The following MIB2 variants were observed in gnomAD, a reference collection of about 807,000 sequenced individuals.
MIB2 encodes the protein MIB E3 ubiquitin protein ligase 2, also known as E3 ubiquitin-protein ligase MIB2.
Under a neutral mutation model 96.6 loss-of-function variants are expected in MIB2, and 78 were observed. The ratio of observed to expected loss-of-function variants is 0.81; its 90% CI spans 0.67 to 0.97. The LOEUF (loss-of-function observed/expected upper bound fraction) is 0.97, where lower values mean the gene tolerates loss of function less well. Ranked by LOEUF, MIB2 falls within the 50% of genes least tolerant of loss-of-function variation. The pLI is 0.00. For synonymous variants in MIB2, 820 were observed against 629.5 expected (o/e 1.30, Z -4.53); for missense variants, 1,543 against 1,424.0 (o/e 1.08, Z -1.35).
rs1644740119 is a variant in MIB2, at chr1:1,626,154, A to G, written c.973-496A>G. The stretch of plus-strand genomic sequence containing the variant: ...AGGGGCAGGCCCGGGGCAAAGCGTC[A>G]GAGCTCAGCTCTGGATCTGGGGTCC... On this transcript the variant is annotated intron_variant, in intron 8 of 19. Coordinates refer to ENST00000355826, the MANE Select transcript of MIB2 (RefSeq NM_001170687.4). This position sits in a 1 kb window ranked among gnomAD's most constrained non-coding sequence, Gnocchi z 5.3. The G allele has an allele frequency of 1.0e-5, 2 of 196,654 alleles. No individual in the cohort carries two copies. Among genetic ancestry groups the G allele is most frequent in the Non-Finnish European group, 2.1e-5 (2 of 96,066 alleles). 12.2% of individuals were successfully genotyped at this position (196,654 alleles called of 1,614,324 possible).
At position 1,630,334 on chromosome 1, in the gene MIB2, C is replaced by T. The variant is rs879374257; in HGVS notation, c.2672C>T (p.Pro891Leu). The T allele has an allele frequency of 8.5e-6, 13 of 1,535,178 alleles. No homozygotes were observed. Among genetic ancestry groups the T allele is most frequent in the Non-Finnish European group, 1.1e-5 (13 of 1,143,838 alleles). The change falls in exon 20 of 20, where the codon CCG becomes CTG. Residue 891 changes from proline to leucine, a missense_variant. Transcript: ENST00000355826. Reference sequence around the variant, plus strand: ...AGCGCCGCCCCCGCCCCCGGCCCGCCGCGCCAGCTGGTGGAGGAGCTGCAG... The same window carrying T: ...AGCGCCGCCCCCGCCCCCGGCCCGCTGCGCCAGCTGGTGGAGGAGCTGCAG... ...VASAAPAPGP[P>L]RQLVEELQSR...
In MIB2 at chr1:1,627,070, C is replaced by T. The variant is rs750318431; in HGVS notation, c.1241-4C>T. The T allele has an allele frequency of 2.5e-6, 4 of 1,600,554 alleles. No individual in the cohort carries two copies. In the South Asian group the frequency reaches 3.4e-5, roughly 13 times the overall value. ...GCCACCACTAACCTCAGCCCTGCCC[C>T]CAGGCTCACTGAGCGTGGCCCTGGA... is the stretch of plus-strand genomic sequence containing the variant. On this transcript the variant is annotated splice_polypyrimidine_tract_variant and splice_region_variant and intron_variant, in intron 10 of 19. Transcript: ENST00000355826.
At chr1:1,620,871 G>A (rs1472327621) in intron 2 of MIB2, among the ~76,000 whole-genome samples, 3 of 152,268 alleles carry the variant, frequency 2.0e-5, no homozygotes, top group African/African-American at 7.2e-5. Context: ...CCCCCAGTGG[G>A]GATGGGAGGG....
In MIB2 at chr1:1,630,387, A is replaced by T. The variant is rs1258719582; in HGVS notation, c.2725A>T (p.Ile909Phe). The T allele has an allele frequency of 6.4e-7, 1 of 1,554,934 alleles. No homozygotes were observed. The highest frequency in any genetic ancestry group is 1.2e-5 in the South Asian group (1 of 85,310). The change falls in exon 20 of 20, where the codon ATC becomes TTC. Residue 909 changes from isoleucine to phenylalanine, a missense_variant. Physicochemically the swap from Ile to Phe is conservative, Grantham distance 21. Coordinates refer to ENST00000355826, the MANE Select transcript of MIB2 (RefSeq NM_001170687.4). Reference sequence around the variant, plus strand: ...CCGCTACCGGCAGATGGAGGAACGCATCACCTGCCCCATCTGCATCGACAG... The same window carrying T: ...CCGCTACCGGCAGATGGAGGAACGCTTCACCTGCCCCATCTGCATCGACAG... Reference protein sequence around the residue: ...QSRYRQMEERITCPICIDSHI... With the variant: ...QSRYRQMEERFTCPICIDSHI...
chr1:1,623,459 C>G lies in MIB2; in HGVS notation c.7C>G (p.Pro3Ala). 7 of 1,598,304 alleles carry G rather than the reference C, an allele frequency of 4.4e-6. No homozygotes were observed. The highest frequency in any genetic ancestry group is 6.0e-6 in the Non-Finnish European group (7 of 1,174,012). Residue 3 changes from proline (P) to alanine (A), a missense_variant, in exon 3 of 20, where the codon CCA becomes GCA. Physicochemically the swap from Pro to Ala is conservative, Grantham distance 27 (BLOSUM62 -1). Coordinates refer to ENST00000355826, the MANE Select transcript of MIB2 (RefSeq NM_001170687.4). The part of the protein sequence containing the change: MD[P>A]DPQAGVQVGM... The stretch of plus-strand genomic sequence containing the variant: ...CCGAGCAGCCCCGCCCAACATGGAC[C>G]CAGACCCCCAGGCGGGCGTGCAGGT...
intron 16 of MIB2, 184 bp from the exon 17 acceptor site, chr1:1,628,949 A>C: frequency 1.4e-6 from 1 of 724,220 alleles, no homozygotes; most frequent in African/African-American, 1.8e-5. Context: ...GGTGGAGCTT[A>C]GGGTCTCAGA....
Position 1,615,508 on chromosome 1 carries a change from GGTCCCACA to G in MIB2, c.-252_-245del. 1 of 1,529,394 alleles carries G rather than the reference GGTCCCACA, an allele frequency of 6.5e-7. No homozygotes were observed. The highest frequency in any genetic ancestry group is 2.5e-5 in the East Asian group (1 of 40,134). The allele number at this position is 1,529,394 out of a possible 1,614,324, so 94.7% of individuals were successfully genotyped here. ...GCGGGCCCTGGGCTCCCGCCCTTCG[GGTCCCACA>G]GTTTCCAGCCGCCGCTCTCCTCAGT... is the stretch of plus-strand genomic sequence containing the variant. On this transcript the variant is annotated 5_prime_UTR_variant, in exon 1 of 20. Transcript: ENST00000355826.
intron 1 of MIB2, 78 bp downstream of exon 1, chr1:1,615,711 C>T: frequency 6.7e-7 from 1 of 1,499,676 alleles, no homozygotes. Context: ...AGAACGCGAG[C>T]GCCGTCCGGT....
At chr1:1,627,558 G>A in intron 12 of MIB2, 114 bp downstream of exon 12, 1 of 1,470,922 alleles carries the variant, frequency 6.8e-7, no homozygotes, top group Non-Finnish European at 8.9e-7. Context: ...TGAGGCCTGG[G>A]AGGGGCCCGG....
chr1:1,627,475 G>A (rs770589526), intron 12 of MIB2, 31 bp downstream of exon 12: 1 of 1,575,118 alleles, frequency 6.3e-7, no homozygotes, highest in East Asian at 2.4e-5. Flanking sequence ...GGCCGGCGGG[G>A]CTGAGCCTGT....
At chr1:1,615,884 G>A (rs1455861140) in intron 1 of MIB2, 2 of 1,067,982 alleles carry the variant, frequency 1.9e-6, no homozygotes, top group Non-Finnish European at 2.3e-6. Flanking sequence ...GCGGCCCGGG[G>A]CCAGCGGCGC....
At chr1:1,616,475 A>T in intron 1 of MIB2, 33 bp from the exon 2 acceptor site, 1 of 1,469,116 alleles carries the variant, frequency 6.8e-7, no homozygotes. Flanking sequence ...CGAGGTGCTA[A>T]CTGTGCATCT....
At position 1,620,465 on chromosome 1, in the gene MIB2, G is replaced by A. The variant is rs993466647; in HGVS notation, c.-22-2966G>A. ...AGGTGTTTGGCAGGGAGGAGTCCCC[G>A]GCTTAGTGTGATTCCAGCTGTGGCC... On this transcript the variant is annotated intron_variant, in intron 2 of 19. Coordinates refer to ENST00000355826, the MANE Select transcript of MIB2 (RefSeq NM_001170687.4). 1.7e-4 allele frequency among the ~76,000 whole-genome samples: 26 copies of A among 152,330 alleles called. No homozygotes were observed. The South Asian group carries it at 4.8e-3, about 28-fold the overall frequency.
At chr1:1,624,276 A>G in intron 4 of MIB2, 1 of 427,960 alleles carries the variant, frequency 2.3e-6, no homozygotes, top group East Asian at 4.3e-5. Context: ...GGGAGAATCT[A>G]GCCTGCTTGG....
At position 1,626,818 on chromosome 1, in the gene MIB2, C is replaced by CCCCCT. The variant is rs1465495523; in HGVS notation, c.1078-9_1078-5dup. On this transcript the variant is annotated intron_variant, in intron 9 of 19. Transcript: ENST00000355826. This position sits in a 1 kb window ranked among gnomAD's most constrained non-coding sequence, Gnocchi z 5.3. ...CCCCCACACCTGCAGCCTGCTGTGA[C>CCCCCT]CCCCTCCCCTCCCCGCAGGCCCTGG... The CCCCCT allele has an allele frequency of 5.6e-6, 9 of 1,599,690 alleles. No individual in the cohort carries two copies. The highest frequency in any genetic ancestry group is 4.5e-5 in the East Asian group (2 of 44,754).
Position 1,630,325 on chromosome 1 carries a change from C to G in MIB2, c.2663C>G (p.Pro888Arg). ...GSEVASAAPA[P>R]GPPRQLVEEL... is the part of the protein sequence containing the mutation. ...GAGGTGGCGAGCGCCGCCCCCGCCC[C>G]CGGCCCGCCGCGCCAGCTGGTGGAG... Residue 888 changes from proline (P) to arginine (R), a missense_variant, in exon 20 of 20, where the codon CCC (proline) becomes CGC (arginine). Physicochemically the swap from Pro to Arg is moderately radical, Grantham distance 103. Coordinates refer to ENST00000355826, the MANE Select transcript of MIB2 (RefSeq NM_001170687.4). The G allele has an allele frequency of 1.3e-6, 2 of 1,533,502 alleles. No individual in the cohort carries two copies. Among genetic ancestry groups the G allele is most frequent in the Non-Finnish European group, 1.7e-6 (2 of 1,143,826 alleles). 95.0% of individuals were successfully genotyped at this position (1,533,502 alleles called of 1,614,324 possible).
At position 1,627,784 on chromosome 1, in the gene MIB2, G is replaced by A. The variant is rs1388450623; in HGVS notation, c.1635G>A (p.Glu545=). 6.3e-7 allele frequency: 1 copy of A among 1,598,758 alleles called. No homozygotes were observed. Among genetic ancestry groups the A allele is most frequent in the Admixed American group, 1.7e-5 (1 of 59,874 alleles). ...TGGCCGTGCAGAGGGGCTTCCTGGAGGTGGTGCGGGCCCTGTGTGAGCGCG... is the reference window on the plus strand; with the variant it reads ...TGGCCGTGCAGAGGGGCTTCCTGGAAGTGGTGCGGGCCCTGTGTGAGCGCG... The part of the protein sequence containing the change: ...LHVAVQRGFL[E]VVRALCERGC... The change falls in exon 13 of 20, where the codon GAG becomes GAA. Residue 545 remains glutamate, a synonymous_variant. Coordinates refer to ENST00000355826, the MANE Select transcript of MIB2 (RefSeq NM_001170687.4).
rs1365017211 is a variant in MIB2 at position 1,626,750 on chromosome 1, C to T, written c.1073C>T (p.Ala358Val). 5.0e-6 allele frequency: 8 copies of T among 1,588,240 alleles called. No individual in the cohort carries two copies. In the Admixed American group the frequency reaches 5.1e-5, roughly 10 times the overall value. Residue 358 changes from alanine (A) to valine (V), a missense_variant, in exon 9 of 20, where the codon GCC (alanine) becomes GTC (valine). Transcript: ENST00000355826. The surrounding 1 kb of genome is among the most constrained non-coding windows in gnomAD (Gnocchi z 5.3). Reference sequence around the variant, plus strand: ...CATGGCGAGTGGACGGACGACATGGCCCCTGTGAGTCCCCCTGCCACCCCC... The same window carrying T: ...CATGGCGAGTGGACGGACGACATGGTCCCTGTGAGTCCCCCTGCCACCCCC... ...AGHGEWTDDM[A>V]PALGRVGKVV...
intron 2 of MIB2, among the ~76,000 whole-genome samples, chr1:1,621,685 C>A (rs775927992): frequency 1.3e-5 from 2 of 152,222 alleles, no homozygotes; most frequent in Admixed American, 6.5e-5. Context: ...TGGAAGCTCT[C>A]GCGGTCCTGG....
Sources: gnomAD v4.1 joint callset for allele counts (sites outside exome capture counted in the v4.1 genomes callset) on GRCh38, gnomAD v4.1.1 for gene constraint, Gnocchi (gnomAD v3.1) non-coding constraint, MANE v1.5 for transcripts, NCBI Gene and HGNC (gene_info 2026-07-23, HGNC 2026-07-21) for gene names.